CDS2: variants seen among roughly 807,000 people sequenced by gnomAD.
The protein encoded by CDS2 is CDP-diacylglycerol synthase 2, also known as phosphatidate cytidylyltransferase 2.
CDS2 carries 47 observed loss-of-function variants against 59.0 expected under a neutral mutation model. The ratio of observed to expected loss-of-function variants is 0.80; its 90% CI spans 0.63 to 1.02. The LOEUF (loss-of-function observed/expected upper bound fraction) is 1.02. CDS2 is among the 50% of genes least tolerant of loss of function. The pLI is 0.00. For synonymous variants in CDS2, 207 were observed against 206.4 expected (o/e 1.00, Z -0.02); for missense variants, 356 against 558.9 (o/e 0.64, Z 3.66).
chr20:5,176,849 A>C, intron 4 of CDS2, 104 bp downstream of exon 4: 1 of 798,526 alleles, frequency 1.3e-6, no homozygotes, highest in Non-Finnish European at 2.2e-6. Flanking sequence ...TATAGAGATA[A>C]ATGCTGGAGA....
At chr20:5,167,232 T>C (rs2090919616) in intron 1 of CDS2, among the ~76,000 whole-genome samples, 1 of 152,202 alleles carries the variant, frequency 6.6e-6, no homozygotes, top group South Asian at 2.1e-4. Context: ...CACATTCATG[T>C]ATTTTCTTGT....
intron 1 of CDS2, among the ~76,000 whole-genome samples, chr20:5,144,240 T>TA (rs2090720960): frequency 6.6e-6 from 1 of 152,212 alleles, no homozygotes. Context: ...GGATCCTCAG[T>TA]AATTCAAGAA....
intron 11 of CDS2, 64 bp downstream of exon 11, chr20:5,189,250 C>G: frequency 1.3e-6 from 2 of 1,593,898 alleles, no homozygotes; most frequent in Non-Finnish European, 1.7e-6. Context: ...CTTTCTCCCC[C>G]TTCCCTGCCC....
chr20:5,184,840 A>T lies in CDS2; in HGVS notation c.672-18A>T. The T allele has an allele frequency of 6.3e-7, 1 of 1,588,450 alleles. No homozygotes were observed. Among genetic ancestry groups the T allele is most frequent in the South Asian group, 1.1e-5 (1 of 90,480 alleles). Reference sequence around the variant, plus strand: ...TGTCACCTTGCTTGAGTTGATCCTTACTTTGGTTCATTTCTAGGTTCATTG... The same window carrying T: ...TGTCACCTTGCTTGAGTTGATCCTTTCTTTGGTTCATTTCTAGGTTCATTG... On this transcript the variant is annotated intron_variant, in intron 7 of 12. Coordinates refer to ENST00000460006, the MANE Select transcript of CDS2 (RefSeq NM_003818.4). This position sits in a 1 kb window ranked among gnomAD's most constrained non-coding sequence, Gnocchi z 4.3.
rs969284860 is a variant in CDS2 at position 5,194,980 on chromosome 20, A to G, written c.*4746A>G. 6.6e-6 allele frequency: 1 copy of G among 152,204 alleles called. No individual in the cohort carries two copies. Among genetic ancestry groups the G allele is most frequent in the African/African-American group, 2.4e-5 (1 of 41,438 alleles). 9.4% of individuals were successfully genotyped at this position (152,204 alleles called of 1,614,324 possible). On this transcript the variant is annotated 3_prime_UTR_variant, in exon 13 of 13. Transcript: ENST00000460006. ...GTTGTCTCCATTTTATAGATGAGGAAACTGAGGCAGTATGACTGAGGCCGA... is the reference window on the plus strand; with the variant it reads ...GTTGTCTCCATTTTATAGATGAGGAGACTGAGGCAGTATGACTGAGGCCGA...
Position 5,186,830 on chromosome 20 carries a change from C to G in CDS2, c.972C>G (p.Val324=), listed in dbSNP as rs1477766863. 10 of 1,614,074 alleles carry G rather than the reference C, an allele frequency of 6.2e-6. No homozygotes were observed. The highest frequency in any genetic ancestry group is 8.5e-6 in the Non-Finnish European group (10 of 1,179,986). Reference sequence around the variant, plus strand: ...ACATTCCTGGGGTGATCCAGTCAGTCATTGGCTGGGTATGTGCCACTCACA... The same window carrying G: ...ACATTCCTGGGGTGATCCAGTCAGTGATTGGCTGGGTATGTGCCACTCACA... ...EYNIPGVIQS[V]IGWKTVRMYP... Residue 324 remains valine (V), a synonymous_variant, in exon 10 of 13, where the codon GTC becomes GTG. Transcript: ENST00000460006.
At chr20:5,135,261 C>T (rs1260058484) in intron 1 of CDS2, among the ~76,000 whole-genome samples, 2 of 152,234 alleles carry the variant, frequency 1.3e-5, no homozygotes, top group South Asian at 2.1e-4. Context: ...GATAATCATC[C>T]TTTAAACTGT....
At chr20:5,183,304 C>T (rs1419384310) in intron 7 of CDS2, 161 bp downstream of exon 7, 1 of 617,772 alleles carries the variant, frequency 1.6e-6, no homozygotes, top group Non-Finnish European at 2.9e-6. Context: ...CTTTTTGATT[C>T]ATTAGATCTG....
At chr20:5,189,370 T>C (rs1384151962) in intron 11 of CDS2, among the ~76,000 whole-genome samples, 184 bp downstream of exon 11, 1 of 152,138 alleles carries the variant, frequency 6.6e-6, no homozygotes, top group Non-Finnish European at 1.5e-5. Flanking sequence ...ATGCAATCGT[T>C]GTTTTTCAGT....
chr20:5,183,599 A>T (rs1005035669), intron 7 of CDS2, among the ~76,000 whole-genome samples: 8 of 152,252 alleles, frequency 5.3e-5, no homozygotes, highest in Admixed American at 2.6e-4. Flanking sequence ...CTGGAAAGAG[A>T]AACAGGACCA....
chr20:5,164,472 C>T (rs1269626765), intron 1 of CDS2, among the ~76,000 whole-genome samples: 2 of 152,062 alleles, frequency 1.3e-5, no homozygotes, highest in Non-Finnish European at 2.9e-5. Context: ...ATGTGGAGCC[C>T]AGCAGCTGTC....
intron 1 of CDS2, among the ~76,000 whole-genome samples, chr20:5,130,741 C>T (rs1323957200): frequency 1.3e-5 from 2 of 151,490 alleles, no homozygotes; most frequent in East Asian, 3.9e-4. Flanking sequence ...CGAGATTGCG[C>T]CGTTGCACTC....
chr20:5,165,526 G>T (rs2090906954), intron 1 of CDS2, among the ~76,000 whole-genome samples: 1 of 150,120 alleles, frequency 6.7e-6, no homozygotes, highest in Non-Finnish European at 1.5e-5. Context: ...CGGAGACTAT[G>T]CGGTGTGGGA....
chr20:5,185,008 T>G, intron 8 of CDS2, 63 bp downstream of exon 8: 1 of 1,167,406 alleles, frequency 8.6e-7, no homozygotes, highest in South Asian at 1.2e-5. Context: ...TCAATGTGAG[T>G]AGATCAGCCT....
intron 7 of CDS2, 185 bp downstream of exon 7, chr20:5,183,328 A>G (rs764688791): frequency 3.3e-6 from 2 of 598,978 alleles, no homozygotes; most frequent in East Asian, 2.8e-5. Context: ...TAGGCTTGAG[A>G]ATTTGAATTT....
chr20:5,155,015 C>T (rs2090822354), intron 1 of CDS2, among the ~76,000 whole-genome samples: 1 of 152,220 alleles, frequency 6.6e-6, no homozygotes, highest in Non-Finnish European at 1.5e-5. Context: ...CATCTATAGA[C>T]CTATATGTTC....
intron 1 of CDS2, among the ~76,000 whole-genome samples, chr20:5,150,471 C>T (rs1046169213): frequency 1.1e-4 from 17 of 152,214 alleles, no homozygotes; most frequent in Admixed American, 6.5e-4. Context: ...CCAAAGAGCC[C>T]CTAACACAGG....
At chr20:5,171,244 G>A (rs2058256089) in intron 1 of CDS2, among the ~76,000 whole-genome samples, 1 of 152,208 alleles carries the variant, frequency 6.6e-6, no homozygotes, top group South Asian at 2.1e-4. Context: ...CGCTGCCTGG[G>A]TTCCGTTCCT....
intron 4 of CDS2, among the ~76,000 whole-genome samples, chr20:5,177,372 G>A (rs1431564191): frequency 1.3e-5 from 2 of 152,064 alleles, no homozygotes; most frequent in Non-Finnish European, 2.9e-5. Context: ...CATCAGAGGT[G>A]TTTTGAGTGC....
Sources: allele counts gnomAD v4.1 joint callset (sites outside exome capture counted in the v4.1 genomes callset), GRCh38; gene constraint gnomAD v4.1.1; non-coding constraint Gnocchi (gnomAD v3.1); transcripts MANE v1.5; gene names NCBI Gene and HGNC (gene_info 2026-07-23, HGNC 2026-07-21).